PTPRA: variants seen among roughly 807,000 people sequenced by gnomAD.
The protein encoded by PTPRA is receptor-type tyrosine-protein phosphatase alpha.
PTPRA carries 25 observed loss-of-function variants against 104.8 expected under a neutral mutation model. That is an observed-to-expected ratio of 0.24 (90% CI 0.17 to 0.33). The LOEUF (loss-of-function observed/expected upper bound fraction) is 0.33. Ranked by LOEUF, PTPRA falls within the 10% of genes least tolerant of loss-of-function variation. The pLI is 1.00. For missense variants in PTPRA, 765 were observed against 1,015.3 expected (o/e 0.75, Z 3.35); for synonymous variants, 323 against 368.9 (o/e 0.88, Z 1.43).
chr20:2,879,679 G>C (rs2089942134), intron 1 of PTPRA, among the ~76,000 whole-genome samples: 1 of 152,032 alleles, frequency 6.6e-6, no homozygotes, highest in Admixed American at 6.6e-5. Context: ...ATGCCACAGT[G>C]GTCCCATAAG....
At chr20:3,019,511 C>T (rs1243804124) in intron 13 of PTPRA, among the ~76,000 whole-genome samples, 2 of 146,746 alleles carry the variant, frequency 1.4e-5, no homozygotes, top group East Asian at 2.1e-4. Context: ...ACATCTCAGA[C>T]GATGGGCGGC....
intron 11 of PTPRA, among the ~76,000 whole-genome samples, chr20:3,009,302 C>A (rs763256312): frequency 5.3e-4 from 81 of 151,894 alleles, no homozygotes; most frequent in East Asian, 9.7e-4. Context: ...TTCATCTGCA[C>A]CCTGGGATTG....
At chr20:2,910,596 T>G (rs1936647533) in intron 1 of PTPRA, among the ~76,000 whole-genome samples, 1 of 126,758 alleles carries the variant, frequency 7.9e-6, no homozygotes, top group African/African-American at 3.3e-5. Context: ...TTTGTTTTTT[T>G]TTTGTTTTTT....
chr20:2,991,007 T>C (rs1239363573), intron 9 of PTPRA, among the ~76,000 whole-genome samples: 6 of 152,132 alleles, frequency 3.9e-5, no homozygotes, highest in African/African-American at 1.4e-4. Context: ...GGACCCTTTT[T>C]GGGGGCTATT....
chr20:2,941,062 G>A (rs1252494972), intron 2 of PTPRA, among the ~76,000 whole-genome samples: 5 of 148,588 alleles, frequency 3.4e-5, no homozygotes, highest in Non-Finnish European at 7.5e-5. Context: ...AGACAGTCTC[G>A]CTCTGTCACC....
chr20:2,998,645 C>T (rs1249242014), intron 9 of PTPRA, among the ~76,000 whole-genome samples: 1 of 152,068 alleles, frequency 6.6e-6, no homozygotes, highest in Non-Finnish European at 1.5e-5. Context: ...CAAGACCTAC[C>T]TTGGAAGGTA....
chr20:2,964,845 T>A lies in PTPRA; in HGVS notation c.74-16T>A. The A allele has an allele frequency of 6.3e-7, 1 of 1,587,012 alleles. No homozygotes were observed. The highest frequency in any genetic ancestry group is 8.6e-7 in the Non-Finnish European group (1 of 1,157,416). ...CATTCTTCATGTGCTATTTCCTTGT[T>A]TTTTGGTGTTTGTAGTTGCACCTTC... On this transcript the variant is annotated splice_polypyrimidine_tract_variant and intron_variant, in intron 4 of 23. Coordinates refer to ENST00000399903, the MANE Select transcript of PTPRA (RefSeq NM_001385305.1).
intron 1 of PTPRA, among the ~76,000 whole-genome samples, chr20:2,911,752 G>A (rs1396452534): frequency 6.6e-6 from 1 of 152,138 alleles, no homozygotes; most frequent in Non-Finnish European, 1.5e-5. Flanking sequence ...ATCTAACTAT[G>A]TAAGAGCAGG....
chr20:2,894,588 A>C (rs1460285345), intron 1 of PTPRA, among the ~76,000 whole-genome samples: 1 of 149,078 alleles, frequency 6.7e-6, no homozygotes, highest in Non-Finnish European at 1.5e-5. Flanking sequence ...AATTATAGGC[A>C]TGAGCCACTG....
chr20:3,031,520 A>G (rs142890936), intron 20 of PTPRA, among the ~76,000 whole-genome samples: 5 of 152,060 alleles, frequency 3.3e-5, no homozygotes, highest in Non-Finnish European at 7.4e-5. Flanking sequence ...TGGATGATCC[A>G]TCTATCCTCA....
chr20:2,872,187 G>A (rs575693116), upstream of PTPRA, among the ~76,000 whole-genome samples: 73 of 152,158 alleles, frequency 4.8e-4, no homozygotes, highest in African/African-American at 1.8e-3. This position sits in a 1 kb window ranked among gnomAD's most constrained non-coding sequence, Gnocchi z 7.9. Flanking sequence ...CGCCCCAACA[G>A]AAGGCGGTGG....
chr20:2,929,749 C>T (rs943041386), intron 2 of PTPRA, among the ~76,000 whole-genome samples: 13 of 152,022 alleles, frequency 8.6e-5, no homozygotes, highest in African/African-American at 3.1e-4. Flanking sequence ...TGCTTGAGCC[C>T]AGGAGCTCGA....
chr20:2,998,963 A>G (rs1255425338), intron 9 of PTPRA, among the ~76,000 whole-genome samples: 3 of 134,150 alleles, frequency 2.2e-5, no homozygotes, highest in African/African-American at 7.3e-5. Flanking sequence ...ATTAATAAAT[A>G]TGACATTATA....
At chr20:2,866,661 C>CCT in the PTPRA span, 2 of 1,566,768 alleles carry the variant, frequency 1.3e-6, no homozygotes, top group Non-Finnish European at 1.7e-6. Flanking sequence ...CAGCTCCTCC[C>CCT]CTAGAGCAAT....
intron 5 of PTPRA, among the ~76,000 whole-genome samples, chr20:2,971,271 C>G (rs1437220089): frequency 1.3e-5 from 2 of 151,974 alleles, no homozygotes; most frequent in Non-Finnish European, 2.9e-5. Context: ...GATGTTGAGT[C>G]TAACTATCCA....
chr20:2,951,916 G>A (rs1003105952), intron 3 of PTPRA, among the ~76,000 whole-genome samples: 5 of 152,050 alleles, frequency 3.3e-5, no homozygotes, highest in African/African-American at 7.2e-5. Flanking sequence ...CAAGGCAGGC[G>A]GATCACGAGG....
At chr20:2,921,042 G>A (rs564692882) in intron 1 of PTPRA, among the ~76,000 whole-genome samples, 2 of 152,198 alleles carry the variant, frequency 1.3e-5, no homozygotes, top group East Asian at 3.9e-4. Flanking sequence ...TCATTTAGGT[G>A]CATTACATTG....
At chr20:2,999,789 T>C (rs1459499390) in intron 9 of PTPRA, among the ~76,000 whole-genome samples, 1 of 152,138 alleles carries the variant, frequency 6.6e-6, no homozygotes, top group Non-Finnish European at 1.5e-5. Flanking sequence ...ACTTCTGATC[T>C]CACAGTAGGA....
At chr20:2,953,049 A>G (rs571097562) in intron 3 of PTPRA, among the ~76,000 whole-genome samples, 29 of 152,244 alleles carry the variant, frequency 1.9e-4, no homozygotes, top group African/African-American at 3.4e-4. Flanking sequence ...CCTGCTTTCA[A>G]TTCTTTTGAG....
Sources: gnomAD v4.1 joint callset for allele counts (sites outside exome capture counted in the v4.1 genomes callset) on GRCh38, gnomAD v4.1.1 for gene constraint, Gnocchi (gnomAD v3.1) non-coding constraint, MANE v1.5 for transcripts, NCBI Gene and HGNC (gene_info 2026-07-23, HGNC 2026-07-21) for gene names.